Variants in LINGO2 observed in about 807,000 individuals in gnomAD.
LINGO2 encodes leucine-rich repeat and immunoglobulin-like domain-containing nogo receptor-interacting protein 2.
LINGO2 carries 14 observed loss-of-function variants against 30.6 expected under a neutral mutation model. That is an observed-to-expected ratio of 0.46 (90% CI 0.30 to 0.72). LINGO2 has a LOEUF of 0.72. LINGO2 is among the 30% of genes least tolerant of loss of function. The pLI is 0.07. For missense variants in LINGO2, 729 were observed against 751.7 expected, an observed-to-expected ratio of 0.97 and a Z score of 0.35; for synonymous variants, 317 against 288.5, an observed-to-expected ratio of 1.10 and a Z score of -1.00.
the LINGO2 span, among the ~76,000 whole-genome samples, chr9:29,008,723 T>A: frequency 6.6e-6 from 1 of 152,140 alleles, no homozygotes; most frequent in African/African-American, 2.4e-5. Flanking sequence ...CACAAATGTC[T>A]TCTTTTGAGA....
chr9:28,633,466 A>T (rs1827098518), intron 1 of LINGO2, among the ~76,000 whole-genome samples: 1 of 152,212 alleles, frequency 6.6e-6, no homozygotes, highest in Non-Finnish European at 1.5e-5. Flanking sequence ...ACATTATAAG[A>T]AGAGGTTTTA....
At chr9:28,588,915 G>A (rs964446453) in intron 1 of LINGO2, among the ~76,000 whole-genome samples, 4 of 152,052 alleles carry the variant, frequency 2.6e-5, no homozygotes, top group Non-Finnish European at 1.5e-5. Flanking sequence ...TGCTGTGCAA[G>A]CTTAGATGTC....
chr9:29,144,057 T>G, the LINGO2 span, among the ~76,000 whole-genome samples: 1 of 152,156 alleles, frequency 6.6e-6, no homozygotes, highest in Non-Finnish European at 1.5e-5. Context: ...TTGGTCAGAT[T>G]CGTTTAATAG....
At chr9:28,596,590 G>C (rs1175444547) in intron 1 of LINGO2, among the ~76,000 whole-genome samples, 1 of 152,230 alleles carries the variant, frequency 6.6e-6, no homozygotes, top group South Asian at 2.1e-4. Flanking sequence ...GTAGGCTTTA[G>C]TGCTGGATAA....
At chr9:28,048,441 C>A (rs1395939709) in intron 4 of LINGO2, among the ~76,000 whole-genome samples, 2 of 150,636 alleles carry the variant, frequency 1.3e-5, no homozygotes, top group Admixed American at 6.7e-5. Context: ...GAAACACTAT[C>A]CCAAATGGAA....
At chr9:28,609,984 A>G (rs1471628481) in intron 1 of LINGO2, among the ~76,000 whole-genome samples, 1 of 152,114 alleles carries the variant, frequency 6.6e-6, no homozygotes, top group African/African-American at 2.4e-5. Context: ...AAATAGCAAA[A>G]TGCAGAATAA....
chr9:28,316,451 A>T (rs190335830), intron 3 of LINGO2, among the ~76,000 whole-genome samples: 75 of 152,296 alleles, frequency 4.9e-4, no homozygotes, highest in African/African-American at 1.7e-3. Context: ...CTTTTAAAGG[A>T]TTTAAGATAT....
intron 2 of LINGO2, among the ~76,000 whole-genome samples, chr9:28,448,061 T>C (rs577334739): frequency 1.3e-5 from 2 of 152,272 alleles, no homozygotes; most frequent in East Asian, 1.9e-4. Context: ...TGGATCATAC[T>C]ACCTAGAGCT....
chr9:28,419,895 A>G (rs933208970), intron 2 of LINGO2, among the ~76,000 whole-genome samples: 3 of 152,068 alleles, frequency 2.0e-5, no homozygotes, highest in African/African-American at 7.2e-5. Flanking sequence ...GGTGGCTGCC[A>G]ATATAAAAGG....
chr9:28,251,488 G>C (rs946679557), intron 4 of LINGO2, among the ~76,000 whole-genome samples: 34 of 152,074 alleles, frequency 2.2e-4, no homozygotes, highest in African/African-American at 8.2e-4. Flanking sequence ...TCTTATTTGA[G>C]GATTAGTTGT....
intron 4 of LINGO2, among the ~76,000 whole-genome samples, chr9:28,260,971 T>A (rs1046293730): frequency 1.3e-4 from 20 of 151,976 alleles, no homozygotes; most frequent in African/African-American, 4.6e-4. Flanking sequence ...TTGGTCTGTG[T>A]GCTTAAAGAT....
chr9:29,199,370 T>TACC, the LINGO2 span, among the ~76,000 whole-genome samples: 1 of 152,002 alleles, frequency 6.6e-6, no homozygotes, highest in Non-Finnish European at 1.5e-5. Context: ...ACATCCACTG[T>TACC]ACCACTTGAA....
At chr9:28,507,721 A>T (rs554676514) in intron 1 of LINGO2, among the ~76,000 whole-genome samples, 1 of 152,284 alleles carries the variant, frequency 6.6e-6, no homozygotes, top group Non-Finnish European at 1.5e-5. Flanking sequence ...AAGTATTAAT[A>T]GTGGCTATAT....
intron 1 of LINGO2, among the ~76,000 whole-genome samples, chr9:28,663,002 T>C (rs779922266): frequency 2.0e-5 from 3 of 151,874 alleles, no homozygotes; most frequent in Non-Finnish European, 4.4e-5. Flanking sequence ...TTCAAGGGAG[T>C]TTTACTTTTC....
intron 5 of LINGO2, among the ~76,000 whole-genome samples, chr9:27,972,508 G>A (rs995228006): frequency 2.6e-5 from 4 of 152,168 alleles, no homozygotes; most frequent in African/African-American, 9.6e-5. Context: ...ACAAGTCACA[G>A]ATCCACAGTG....
chr9:29,088,624 A>C, the LINGO2 span, among the ~76,000 whole-genome samples: 11 of 152,300 alleles, frequency 7.2e-5, no homozygotes, highest in East Asian at 1.9e-4. Context: ...AATATTAGTG[A>C]AAATAATACC....
At chr9:28,003,798 T>C (rs1822113276) in intron 5 of LINGO2, among the ~76,000 whole-genome samples, 1 of 152,192 alleles carries the variant, frequency 6.6e-6, no homozygotes, top group Non-Finnish European at 1.5e-5. Context: ...TGTGGTAAAA[T>C]TGGTTTTGTT....
chr9:28,499,701 A>G (rs1327053353), intron 1 of LINGO2, among the ~76,000 whole-genome samples: 1 of 152,208 alleles, frequency 6.6e-6, no homozygotes, highest in African/African-American at 2.4e-5. Flanking sequence ...GTACATGGCC[A>G]TAGTGAATGT....
chr9:28,529,086 T>G (rs1322355825), intron 1 of LINGO2, among the ~76,000 whole-genome samples: 1 of 152,094 alleles, frequency 6.6e-6, no homozygotes, highest in Non-Finnish European at 1.5e-5. Flanking sequence ...CATTCTTTCT[T>G]TAGGAACTCC....
Sources: gnomAD v4.1 joint callset for allele counts (sites outside exome capture counted in the v4.1 genomes callset) on GRCh38, gnomAD v4.1.1 for gene constraint, MANE v1.5 for transcripts, NCBI Gene and HGNC (gene_info 2026-07-23, HGNC 2026-07-21) for gene names.